The following DLG2 variants were observed in gnomAD, a reference collection of about 807,000 sequenced individuals.
DLG2 encodes the protein disks large homolog 2.
In DLG2, 45 loss-of-function variants were observed where a neutral mutation model predicts 132.5. The observed-to-expected ratio is 0.34, with a 90% CI of 0.27 to 0.44. The LOEUF (loss-of-function observed/expected upper bound fraction) is 0.44. DLG2 is among the 20% of genes least tolerant of loss of function. The pLI is 1.00. For missense variants in DLG2, 1,045 were observed against 1,196.9 expected (o/e 0.87, Z 1.87); for synonymous variants, 424 against 419.6 (o/e 1.01, Z -0.13).
chr11:85,404,996 T>C (rs755439042), intron 3 of DLG2, among the ~76,000 whole-genome samples: 34 of 152,044 alleles, frequency 2.2e-4, no homozygotes, highest in Middle Eastern at 6.8e-3. Flanking sequence ...GATACTGTAT[T>C]TTCCCCCCTA....
At chr11:84,009,499 T>G (rs1187507106) in intron 11 of DLG2, among the ~76,000 whole-genome samples, 2 of 152,080 alleles carry the variant, frequency 1.3e-5, no homozygotes, top group African/African-American at 4.8e-5. Flanking sequence ...TTGTATAACT[T>G]GAAGGGTGAA....
intron 6 of DLG2, among the ~76,000 whole-genome samples, chr11:84,795,470 T>A (rs533574533): frequency 7.0e-4 from 107 of 151,926 alleles, no homozygotes; most frequent in African/African-American, 2.4e-3. Context: ...CTCATCAGGA[T>A]GACCTGCCTG....
intron 3 of DLG2, among the ~76,000 whole-genome samples, chr11:85,473,580 T>G (rs970786611): frequency 6.6e-6 from 1 of 152,066 alleles, no homozygotes; most frequent in Non-Finnish European, 1.5e-5. Context: ...TGACTATAAA[T>G]GTAAATTTTT....
intron 11 of DLG2, among the ~76,000 whole-genome samples, chr11:84,050,967 G>C (rs572632699): frequency 6.6e-6 from 1 of 151,772 alleles, no homozygotes; most frequent in Non-Finnish European, 1.5e-5. Context: ...CTCCAGCTTT[G>C]TTCTTTTGGC....
At chr11:83,706,993 T>G (rs2084166556) in intron 18 of DLG2, among the ~76,000 whole-genome samples, 1 of 152,214 alleles carries the variant, frequency 6.6e-6, no homozygotes, top group Non-Finnish European at 1.5e-5. Context: ...ACATAGATAC[T>G]TTCCATACAT....
At chr11:84,074,735 A>T (rs893682776) in intron 10 of DLG2, among the ~76,000 whole-genome samples, 4 of 151,800 alleles carry the variant, frequency 2.6e-5, no homozygotes, top group Non-Finnish European at 5.9e-5. Flanking sequence ...TCACCATGTT[A>T]GCCAGGATGG....
intron 3 of DLG2, among the ~76,000 whole-genome samples, chr11:85,555,625 T>C (rs2076901212): frequency 6.6e-6 from 1 of 151,834 alleles, no homozygotes. Flanking sequence ...GATAACCAAT[T>C]GTCTTCTTGA....
At chr11:85,496,604 C>G (rs2093673391) in intron 3 of DLG2, among the ~76,000 whole-genome samples, 1 of 152,182 alleles carries the variant, frequency 6.6e-6, no homozygotes, top group African/African-American at 2.4e-5. Flanking sequence ...CAATAACAGA[C>G]AGACTGCTTC....
At chr11:83,787,062 G>T (rs1294043344) in intron 17 of DLG2, among the ~76,000 whole-genome samples, 1 of 152,142 alleles carries the variant, frequency 6.6e-6, no homozygotes, top group African/African-American at 2.4e-5. Context: ...CATTTAATAT[G>T]CCTCTGTGAG....
At chr11:83,558,826 G>A (rs191864163) in intron 19 of DLG2, among the ~76,000 whole-genome samples, 46 of 148,688 alleles carry the variant, frequency 3.1e-4, no homozygotes, top group Admixed American at 3.4e-4. Context: ...ACCTACTCCC[G>A]GTAAAAAACA....
At chr11:84,134,446 T>C (rs1385405083) in intron 9 of DLG2, among the ~76,000 whole-genome samples, 1 of 152,116 alleles carries the variant, frequency 6.6e-6, no homozygotes, top group East Asian at 1.9e-4. Flanking sequence ...ATGGGTATAG[T>C]CAGCATGTTA....
In DLG2 at chr11:85,214,639, G is replaced by C. The variant is rs538568829; in HGVS notation, c.187-59988C>G. Among the ~76,000 whole-genome samples the C allele has an allele frequency of 1.2e-4, 18 of 152,174 alleles. 1 individual carries two copies. The highest frequency in any genetic ancestry group is 4.3e-4 in the African/African-American group (18 of 41,506). On this transcript the variant is annotated intron_variant, in intron 4 of 27. Coordinates refer to ENST00000376104, the MANE Select transcript of DLG2 (RefSeq NM_001142699.3). ...TCCCCTCTCATCTGAATTTCATCTT[G>C]ATTTTAAAATATCCTAAGCTGGTCT...
chr11:85,164,070 G>C (rs1427879702), intron 4 of DLG2, among the ~76,000 whole-genome samples: 1 of 152,082 alleles, frequency 6.6e-6, no homozygotes, highest in Non-Finnish European at 1.5e-5. Context: ...ATTATAGAAA[G>C]GTGAGGGGAA....
At chr11:84,471,737 TC>T (rs1251773339) in intron 7 of DLG2, among the ~76,000 whole-genome samples, 1 of 151,576 alleles carries the variant, frequency 6.6e-6, no homozygotes, top group African/African-American at 2.4e-5. Context: ...TTCTGGTCTG[TC>T]CTCCCTTCCT....
intron 4 of DLG2, among the ~76,000 whole-genome samples, chr11:85,270,048 T>A (rs2077431745): frequency 6.6e-6 from 1 of 152,088 alleles, no homozygotes; most frequent in African/African-American, 2.4e-5. Context: ...TTAGTCAGAG[T>A]TCTCCAGAGA....
chr11:85,572,132 C>T (rs1052318043), intron 3 of DLG2, among the ~76,000 whole-genome samples: 1 of 152,026 alleles, frequency 6.6e-6, no homozygotes, highest in African/African-American at 2.4e-5. Flanking sequence ...AAAGTTGATT[C>T]TGAAAGTTTT....
intron 11 of DLG2, among the ~76,000 whole-genome samples, chr11:83,989,250 T>C (rs1228638215): frequency 2.0e-5 from 3 of 152,158 alleles, no homozygotes; most frequent in Non-Finnish European, 4.4e-5. Flanking sequence ...ACAGGGTTTA[T>C]GGTAAGCACT....
At chr11:83,683,001 G>A (rs1169994566) in intron 18 of DLG2, among the ~76,000 whole-genome samples, 3 of 152,034 alleles carry the variant, frequency 2.0e-5, no homozygotes, top group Admixed American at 6.6e-5. Context: ...ATTCTACCAT[G>A]CTGCCTCTGG....
intron 6 of DLG2, among the ~76,000 whole-genome samples, chr11:85,093,451 C>T (rs1421848819): frequency 6.6e-6 from 1 of 152,096 alleles, no homozygotes; most frequent in Non-Finnish European, 1.5e-5. Context: ...AGACACAGCC[C>T]AAATAGTGCT....
Sources: allele counts gnomAD v4.1 joint callset (sites outside exome capture counted in the v4.1 genomes callset), GRCh38; gene constraint gnomAD v4.1.1; transcripts MANE v1.5; gene names NCBI Gene and HGNC (gene_info 2026-07-23, HGNC 2026-07-21).